Variants in TMEM117 observed in about 807,000 individuals in gnomAD.
TMEM117 encodes the protein transmembrane protein 117.
A neutral mutation model predicts 52.4 loss-of-function variants in TMEM117; 27 were observed. That is an observed-to-expected ratio of 0.51 (90% CI 0.38 to 0.71). The LOEUF (loss-of-function observed/expected upper bound fraction) is 0.71, where lower values mean the gene tolerates loss of function less well. Ranked by LOEUF, TMEM117 falls within the 30% of genes least tolerant of loss-of-function variation. TMEM117 has a pLI of 0.00. For missense variants in TMEM117, 556 were observed against 630.5 expected, an observed-to-expected ratio of 0.88 and a Z score of 1.26; for synonymous variants, 215 against 206.3, an observed-to-expected ratio of 1.04 and a Z score of -0.36.
chr12:43,988,683 C>T (rs1945887884), intron 3 of TMEM117, among the ~76,000 whole-genome samples: 1 of 151,758 alleles, frequency 6.6e-6, no homozygotes, highest in Non-Finnish European at 1.5e-5. Context: ...TGATGGATAC[C>T]CTAAAAGCCT....
At chr12:44,281,811 A>G (rs1950580314) in intron 5 of TMEM117, among the ~76,000 whole-genome samples, 1 of 152,214 alleles carries the variant, frequency 6.6e-6, no homozygotes, top group South Asian at 2.1e-4. Flanking sequence ...AATGGGCATT[A>G]ATCTATTGCC....
the TMEM117 span, chr12:43,800,406 C>T: frequency 2.3e-5 from 36 of 1,542,638 alleles, 1 homozygote; most frequent in Non-Finnish European, 3.2e-5. Flanking sequence ...TTAATTGCAA[C>T]ATATAGAATC....
chr12:43,841,322 A>T (rs1943112407), intron 1 of TMEM117, among the ~76,000 whole-genome samples: 3 of 152,220 alleles, frequency 2.0e-5, no homozygotes, highest in Non-Finnish European at 4.4e-5. Context: ...GTAAGTCTGG[A>T]TTCAAATCCT....
At chr12:44,194,828 A>G (rs568244138) in intron 4 of TMEM117, among the ~76,000 whole-genome samples, 1 of 152,284 alleles carries the variant, frequency 6.6e-6, no homozygotes, top group African/African-American at 2.4e-5. Flanking sequence ...AGACCCTGTC[A>G]AAAATAAAAT....
downstream of TMEM117, among the ~76,000 whole-genome samples, chr12:44,394,657 T>TA (rs1158398996): frequency 6.6e-6 from 1 of 152,214 alleles, no homozygotes; most frequent in African/African-American, 2.4e-5. Context: ...ATGATTTCTT[T>TA]ACTAGCTTCT....
intron 6 of TMEM117, among the ~76,000 whole-genome samples, chr12:44,318,758 C>T (rs898911184): frequency 6.6e-6 from 1 of 152,070 alleles, no homozygotes; most frequent in African/African-American, 2.4e-5. Context: ...GCTCTGACTG[C>T]CTAGGCATGG....
intron 3 of TMEM117, among the ~76,000 whole-genome samples, chr12:43,980,514 T>C (rs1406051278): frequency 6.6e-6 from 1 of 152,200 alleles, no homozygotes; most frequent in African/African-American, 2.4e-5. Context: ...TTTTATATAC[T>C]GTTGCTCTTG....
chr12:43,944,075 C>A, intron 2 of TMEM117, 135 bp from the exon 3 acceptor site: 1 of 683,174 alleles, frequency 1.5e-6, no homozygotes, highest in Non-Finnish European at 2.4e-6. Flanking sequence ...TATATTGTGG[C>A]TTCACTCATA....
At chr12:44,025,842 G>A (rs543204059) in intron 3 of TMEM117, among the ~76,000 whole-genome samples, 1 of 152,236 alleles carries the variant, frequency 6.6e-6, no homozygotes, top group African/African-American at 2.4e-5. Context: ...TCATTACACA[G>A]CTACAATTCT....
chr12:43,903,999 A>G (rs963734609), intron 2 of TMEM117, among the ~76,000 whole-genome samples: 1 of 152,200 alleles, frequency 6.6e-6, no homozygotes, highest in South Asian at 2.1e-4. Flanking sequence ...TTTAATGATC[A>G]TGCATTCACA....
At chr12:44,194,107 C>T (rs1949388639) in intron 4 of TMEM117, among the ~76,000 whole-genome samples, 1 of 151,918 alleles carries the variant, frequency 6.6e-6, no homozygotes, top group East Asian at 1.9e-4. Flanking sequence ...TGAAAATGAC[C>T]CAAACAGCAC....
At chr12:44,352,193 G>A (rs1455863806) in intron 6 of TMEM117, among the ~76,000 whole-genome samples, 1 of 152,006 alleles carries the variant, frequency 6.6e-6, no homozygotes, top group Non-Finnish European at 1.5e-5. Flanking sequence ...TTGCATGCCT[G>A]TATCAAAACA....
chr12:44,088,680 C>A (rs1947613554), intron 3 of TMEM117, among the ~76,000 whole-genome samples: 3 of 152,174 alleles, frequency 2.0e-5, no homozygotes, highest in Admixed American at 6.6e-5. Context: ...GGGAGACTTC[C>A]TTAGATGGAT....
chr12:44,050,084 G>C (rs1325062938), intron 3 of TMEM117, among the ~76,000 whole-genome samples: 1 of 152,226 alleles, frequency 6.6e-6, no homozygotes, highest in Non-Finnish European at 1.5e-5. Context: ...TGGGGCCTCT[G>C]GAAGGGTAGG....
chr12:44,388,199 T>G lies in TMEM117; in HGVS notation c.1072T>G (p.Ser358Ala). Residue 358 changes from serine (S) to alanine (A), a missense_variant, in exon 8 of 8, where the codon TCC becomes GCC. Ser to Ala is a moderately conservative substitution (Grantham distance 99). Coordinates refer to ENST00000266534, the MANE Select transcript of TMEM117 (RefSeq NM_032256.3). The stretch of plus-strand genomic sequence containing the variant: ...AAAAGATTTGAACAGAACCAAGCTA[T>G]CCTGGGAATGGAGGTCCAATCACAC... ...SLKDLNRTKL[S>A]WEWRSNHTNP... 1 of 1,613,374 alleles carries G rather than the reference T, an allele frequency of 6.2e-7. No individual in the cohort carries two copies. Among genetic ancestry groups the G allele is most frequent in the Non-Finnish European group, 8.5e-7 (1 of 1,179,604 alleles).
intron 6 of TMEM117, among the ~76,000 whole-genome samples, chr12:44,365,467 T>A (rs146460878): frequency 8.5e-4 from 130 of 152,160 alleles, no homozygotes; most frequent in African/African-American, 2.9e-3. Context: ...ATGAAAAATC[T>A]TACTATGGTA....
At chr12:44,005,471 C>G (rs1946179195) in intron 3 of TMEM117, among the ~76,000 whole-genome samples, 1 of 152,146 alleles carries the variant, frequency 6.6e-6, no homozygotes, top group Non-Finnish European at 1.5e-5. Context: ...CCAATAACAT[C>G]AGAAAACAAT....
intron 5 of TMEM117, among the ~76,000 whole-genome samples, chr12:44,273,830 T>G (rs1488402020): frequency 1.3e-5 from 2 of 151,994 alleles, no homozygotes; most frequent in Non-Finnish European, 2.9e-5. Flanking sequence ...CTCAGCATAA[T>G]AAAAGCCATC....
chr12:44,025,072 CAAGTA>C (rs1272927674), intron 3 of TMEM117, among the ~76,000 whole-genome samples: 1 of 152,128 alleles, frequency 6.6e-6, no homozygotes, highest in Non-Finnish European at 1.5e-5. Flanking sequence ...TGACCTTAGG[CAAGTA>C]ACTTGACTTT....
Sources: gnomAD v4.1 joint callset for allele counts (sites outside exome capture counted in the v4.1 genomes callset) on GRCh38, gnomAD v4.1.1 for gene constraint, MANE v1.5 for transcripts, NCBI Gene and HGNC (gene_info 2026-07-23, HGNC 2026-07-21) for gene names.